Variants in CENPP observed in about 807,000 individuals in gnomAD.
CENPP encodes the protein centromere protein P.
In CENPP, 24 loss-of-function variants were observed where a neutral mutation model predicts 35.6. That is an observed-to-expected ratio of 0.67 (90% CI 0.49 to 0.95). The LOEUF is 0.95. Ranked by LOEUF, CENPP falls within the 40% of genes least tolerant of loss-of-function variation. The probability of loss-of-function intolerance (pLI) is 0.00; values close to 1 mark genes in which losing one functional copy is unlikely to be tolerated. For missense variants in CENPP, 332 were observed against 345.3 expected (o/e 0.96, Z 0.31); for synonymous variants, 120 against 125.5 (o/e 0.96, Z 0.29).
At position 92,619,796 on chromosome 9, in the gene CENPP, C is replaced by T; in HGVS notation, c.*6647C>T. ...CTCAGAGGCCAGCACCGCCCCCTGACCTCTCACGGCAAGCAGTGTGGGACC... is the reference window on the plus strand; with the variant it reads ...CTCAGAGGCCAGCACCGCCCCCTGATCTCTCACGGCAAGCAGTGTGGGACC... On this transcript the variant is annotated 3_prime_UTR_variant, in exon 8 of 8. Transcript: ENST00000375587. 1 of 550,280 alleles carries T rather than the reference C, an allele frequency of 1.8e-6. No individual in the cohort carries two copies. The highest frequency in any genetic ancestry group is 3.3e-6 in the Non-Finnish European group (1 of 303,954). The allele number at this position is 550,280 out of a possible 1,614,324, so 34.1% of individuals were successfully genotyped here.
chr9:92,505,573 T>C, intron 5 of CENPP: 1 of 1,607,728 alleles, frequency 6.2e-7, no homozygotes, highest in Non-Finnish European at 8.5e-7. Context: ...AATTCTAAAT[T>C]TATTTTTTCC....
chr9:92,405,975 AG>A (rs1369554382), intron 5 of CENPP, among the ~76,000 whole-genome samples: 1 of 152,204 alleles, frequency 6.6e-6, no homozygotes. Context: ...CAGGAAAAGC[AG>A]CAAACAAGCA....
Position 92,514,499 on chromosome 9 carries a change from C to T in CENPP, c.565-96815C>T, listed in dbSNP as rs543249063. On this transcript the variant is annotated intron_variant, in intron 5 of 7. Transcript: ENST00000375587. ...CATATTGTCCAGGCTGGTCTCAAACCCCTGACCTCAGGTGATCTGGCCACC... is the reference window on the plus strand; with the variant it reads ...CATATTGTCCAGGCTGGTCTCAAACTCCTGACCTCAGGTGATCTGGCCACC... The T allele has an allele frequency of 1.0e-5, 13 of 1,251,776 alleles. No individual in the cohort carries two copies. In the South Asian group the frequency reaches 2.3e-4, roughly 23 times the overall value. The allele number at this position is 1,251,776 out of a possible 1,614,324, so 77.5% of individuals were successfully genotyped here.
Position 92,493,180 on chromosome 9 carries a change from A to T in CENPP, c.564+113321A>T, listed in dbSNP as rs1167395069. Among the ~76,000 whole-genome samples the T allele has an allele frequency of 2.0e-5, 3 of 152,222 alleles. No individual in the cohort carries two copies. In the East Asian group the frequency reaches 5.8e-4, roughly 29 times the overall value. On this transcript the variant is annotated intron_variant, in intron 5 of 7. Coordinates refer to ENST00000375587, the MANE Select transcript of CENPP (RefSeq NM_001012267.3). ...ATTGTAAGAAGAAAAGGGGGATGGG[A>T]GTGAACACTTTCTGATGAGAGCAAA...
At position 92,459,490 on chromosome 9, in the gene CENPP, A is replaced by G; in HGVS notation, c.564+79631A>G. 4 of 751,092 alleles carry G rather than the reference A, an allele frequency of 5.3e-6. No homozygotes were observed. In the East Asian group the frequency reaches 1.1e-4, roughly 20 times the overall value. 46.5% of individuals were successfully genotyped at this position (751,092 alleles called of 1,614,324 possible). A position where few individuals can be genotyped will look rare whatever the true frequency, so the allele number is the denominator to read the frequency against. On this transcript the variant is annotated intron_variant, in intron 5 of 7. Coordinates refer to ENST00000375587, the MANE Select transcript of CENPP (RefSeq NM_001012267.3). ...TCTCCTAAAGCTCTCCTACTTCTTA[A>G]AACACCTCATGCAACCTGGAGAGTC...
intron 5 of CENPP, chr9:92,493,983 G>A (rs1564351637): frequency 8.6e-7 from 1 of 1,165,518 alleles, no homozygotes; most frequent in African/African-American, 1.5e-5. Context: ...GTCTCCTGGC[G>A]GCCCTCAGGC....
Position 92,616,927 on chromosome 9 carries a change from G to A in CENPP, c.*3778G>A, listed in dbSNP as rs2131410881. On this transcript the variant is annotated 3_prime_UTR_variant, in exon 8 of 8. Transcript: ENST00000375587. Reference sequence around the variant, plus strand: ...CGCTTTGAGATTTAGAAATCAACAAGCCAAACCCCAACTTCAAAAGCTCCT... The same window carrying A: ...CGCTTTGAGATTTAGAAATCAACAAACCAAACCCCAACTTCAAAAGCTCCT... The A allele has an allele frequency of 6.6e-6, 1 of 152,262 alleles. No homozygotes were observed. The highest frequency in any genetic ancestry group is 2.1e-4 in the South Asian group (1 of 4,826). The allele number at this position is 152,262 out of a possible 1,614,324, so 9.4% of individuals were successfully genotyped here. A position where few individuals can be genotyped will look rare whatever the true frequency, so the allele number is the denominator to read the frequency against.
intron 5 of CENPP, chr9:92,393,351 TG>T (rs1842766044): frequency 4.8e-6 from 4 of 824,860 alleles, no homozygotes; most frequent in Non-Finnish European, 7.3e-6. Flanking sequence ...TTTGAAGAGA[TG>T]TTTTACAGAA....
chr9:92,338,458 C>T (rs1244013124), intron 3 of CENPP, among the ~76,000 whole-genome samples: 1 of 152,158 alleles, frequency 6.6e-6, no homozygotes, highest in African/African-American at 2.4e-5. Context: ...TACACACATC[C>T]TCGTTTATAC....
intron 5 of CENPP, among the ~76,000 whole-genome samples, chr9:92,392,446 A>AC (rs759321554): frequency 6.6e-6 from 1 of 152,086 alleles, no homozygotes; most frequent in Non-Finnish European, 1.5e-5. Flanking sequence ...ACATGGTGAA[A>AC]CCCCATCTCT....
chr9:92,482,626 G>A (rs945598818), intron 5 of CENPP: 2 of 152,144 alleles, frequency 1.3e-5, no homozygotes, highest in Admixed American at 6.5e-5. Flanking sequence ...GAAAAAAAAA[G>A]AAAGTTTAAT....
rs199914844 is a variant in CENPP at position 92,615,879 on chromosome 9, G to A, written c.*2730G>A. On this transcript the variant is annotated 3_prime_UTR_variant, in exon 8 of 8. Coordinates refer to ENST00000375587, the MANE Select transcript of CENPP (RefSeq NM_001012267.3). ...GTGCAATCTTCGCTTTCCTTGAACC[G>A]AGTCGACATCACGGCGTTGTCTTTG... 1.4e-5 allele frequency: 22 copies of A among 1,614,172 alleles called. No individual in the cohort carries two copies. Among genetic ancestry groups the A allele is most frequent in the Middle Eastern group, 1.6e-4 (1 of 6,062 alleles).
At chr9:92,383,636 T>C (rs1842321052) in intron 5 of CENPP, among the ~76,000 whole-genome samples, 1 of 152,220 alleles carries the variant, frequency 6.6e-6, no homozygotes, top group African/African-American at 2.4e-5. Flanking sequence ...TTGTTTATTT[T>C]GTTTTATTTG....
intron 5 of CENPP, among the ~76,000 whole-genome samples, chr9:92,463,890 A>G (rs1845206482): frequency 6.6e-6 from 1 of 152,148 alleles, no homozygotes. Flanking sequence ...TTTACTTTAG[A>G]TGATCTTTAG....
At chr9:92,449,437 C>CAAAA (rs56218626) in intron 5 of CENPP, among the ~76,000 whole-genome samples, 44 of 54,958 alleles carry the variant, frequency 8.0e-4, no homozygotes, top group African/African-American at 1.3e-3. Context: ...ACTCTATCTC[C>CAAAA]AAAAAAAAAA....
intron 5 of CENPP, among the ~76,000 whole-genome samples, chr9:92,466,957 C>T (rs1276137634): frequency 6.6e-6 from 1 of 152,136 alleles, no homozygotes; most frequent in African/African-American, 2.4e-5. Context: ...TTAGTGCACA[C>T]CAAATATACT....
At chr9:92,335,577 ATTCT>A (rs1293537678) in intron 2 of CENPP, among the ~76,000 whole-genome samples, 1 of 150,824 alleles carries the variant, frequency 6.6e-6, no homozygotes, top group Non-Finnish European at 1.5e-5. Flanking sequence ...CAGTGTCTAG[ATTCT>A]TTTTTTTTTT....
intron 5 of CENPP, among the ~76,000 whole-genome samples, chr9:92,531,353 A>G (rs1351726210): frequency 1.3e-5 from 2 of 152,260 alleles, no homozygotes; most frequent in East Asian, 1.9e-4. Flanking sequence ...CTCTTCCTGG[A>G]CAATACAAGA....
intron 5 of CENPP, 126 bp from the exon 6 acceptor site, chr9:92,611,188 A>G: frequency 1.3e-6 from 1 of 749,734 alleles, no homozygotes; most frequent in Non-Finnish European, 2.3e-6. Context: ...GTTGGCACCC[A>G]TGGATGCTGC....
Sources: gnomAD v4.1 joint callset for allele counts (sites outside exome capture counted in the v4.1 genomes callset) on GRCh38, gnomAD v4.1.1 for gene constraint, MANE v1.5 for transcripts, NCBI Gene and HGNC (gene_info 2026-07-23, HGNC 2026-07-21) for gene names.